Variants in REEP3 observed in about 807,000 individuals in gnomAD.
REEP3 encodes the protein receptor expression-enhancing protein 3.
REEP3 carries 20 observed loss-of-function variants against 41.3 expected under a neutral mutation model. The observed-to-expected ratio is 0.48, with a 90% CI of 0.34 to 0.70. The LOEUF (loss-of-function observed/expected upper bound fraction) is 0.70, where lower values mean the gene tolerates loss of function less well. Among genes scored for constraint, REEP3 ranks in the 30% least tolerant of loss-of-function variants. The pLI, the probability that REEP3 is intolerant of heterozygous loss-of-function variation, is 0.01. For missense variants in REEP3, 271 were observed against 308.8 expected (o/e 0.88, Z 0.92); for synonymous variants, 104 against 101.8 (o/e 1.02, Z -0.13).
chr10:63,547,949 C>T (rs1046426599), intron 1 of REEP3, among the ~76,000 whole-genome samples: 19 of 152,170 alleles, frequency 1.2e-4, no homozygotes, highest in African/African-American at 4.1e-4. Flanking sequence ...CAATTCTGTA[C>T]AAAGAATGCC....
At chr10:63,573,822 T>A (rs1955874480) in intron 2 of REEP3, among the ~76,000 whole-genome samples, 1 of 152,222 alleles carries the variant, frequency 6.6e-6, no homozygotes, top group East Asian at 1.9e-4. Context: ...TATCTTTTGA[T>A]AATTTTGATA....
chr10:63,572,352 C>T (rs543376528), intron 2 of REEP3, among the ~76,000 whole-genome samples: 1 of 151,572 alleles, frequency 6.6e-6, no homozygotes, highest in Admixed American at 6.6e-5. Context: ...ATGTGCGGAA[C>T]GTGTAGGTTT....
At chr10:63,563,449 C>A (rs1159210620) in intron 1 of REEP3, among the ~76,000 whole-genome samples, 1 of 152,088 alleles carries the variant, frequency 6.6e-6, no homozygotes, top group Non-Finnish European at 1.5e-5. Flanking sequence ...ATACAGTAGT[C>A]CCCCTTTATC....
At chr10:63,616,099 T>C (rs867536049) in intron 6 of REEP3, among the ~76,000 whole-genome samples, 2 of 152,218 alleles carry the variant, frequency 1.3e-5, no homozygotes, top group Non-Finnish European at 2.9e-5. Context: ...AGAGGCTTCA[T>C]TGCTCTCTGA....
chr10:63,553,044 T>A (rs962657101), intron 1 of REEP3, among the ~76,000 whole-genome samples: 2 of 152,262 alleles, frequency 1.3e-5, no homozygotes, highest in Non-Finnish European at 2.9e-5. Flanking sequence ...AATTTTTATG[T>A]TCTGGTTGTT....
At chr10:63,589,785 CTTTTTTTTTTTTT>C (rs59658061) in intron 2 of REEP3, among the ~76,000 whole-genome samples, 1 of 80,820 alleles carries the variant, frequency 1.2e-5, no homozygotes, top group Non-Finnish European at 2.3e-5. Flanking sequence ...AGCAGAACAT[CTTTTTTTTTTTTT>C]TTTTTTTTTT....
intron 1 of REEP3, among the ~76,000 whole-genome samples, chr10:63,534,529 C>T (rs780401148): frequency 2.0e-5 from 3 of 152,164 alleles, no homozygotes; most frequent in Non-Finnish European, 4.4e-5. Context: ...GAATTACAGG[C>T]GTGAGCCACT....
chr10:63,561,637 A>T, intron 1 of REEP3, among the ~76,000 whole-genome samples: 1 of 152,268 alleles, frequency 6.6e-6, no homozygotes. Flanking sequence ...AGAAAAACTG[A>T]TCTGACAGTG....
intron 7 of REEP3, among the ~76,000 whole-genome samples, chr10:63,620,224 C>G (rs954970458): frequency 3.3e-5 from 5 of 152,282 alleles, no homozygotes; most frequent in Admixed American, 2.6e-4. Flanking sequence ...TGAGCCACCT[C>G]ACCTGGCCAG....
chr10:63,550,808 A>AG (rs1236400324), intron 1 of REEP3, among the ~76,000 whole-genome samples: 4 of 152,228 alleles, frequency 2.6e-5, no homozygotes, highest in Non-Finnish European at 5.9e-5. Context: ...CCATCAAAAG[A>AG]AAATAAATAA....
At chr10:63,598,886 G>A (rs977256689) in intron 4 of REEP3, among the ~76,000 whole-genome samples, 1 of 151,966 alleles carries the variant, frequency 6.6e-6, no homozygotes, top group Non-Finnish European at 1.5e-5. Flanking sequence ...GAGCCCAGGA[G>A]TTTGAGACCA....
rs566408297 is a variant in REEP3, at chr10:63,587,262, C to T, written c.106-7516C>T. Among the ~76,000 whole-genome samples, 8 of 152,318 alleles carry T rather than the reference C, an allele frequency of 5.3e-5. No homozygotes were observed. In the South Asian group the frequency reaches 1.7e-3, roughly 32 times the overall value. On this transcript the variant is annotated intron_variant, in intron 2 of 7. Coordinates refer to ENST00000373758, the MANE Select transcript of REEP3 (RefSeq NM_001001330.3). The stretch of plus-strand genomic sequence containing the variant: ...GAGAACATCAATCCTTCCTACCCTT[C>T]ATTTCTTTCCAAAATACTTCCCTGA...
intron 5 of REEP3, chr10:63,599,592 C>G (rs1379781499): frequency 1.6e-6 from 1 of 608,904 alleles, no homozygotes; most frequent in East Asian, 1.3e-4. Context: ...TAAAGATGAC[C>G]ATTGTTTATT....
intron 2 of REEP3, among the ~76,000 whole-genome samples, chr10:63,582,265 A>G (rs1364850438): frequency 6.6e-6 from 1 of 152,228 alleles, no homozygotes; most frequent in Non-Finnish European, 1.5e-5. Flanking sequence ...GATTCTGTGC[A>G]TGTCCTCAAC....
chr10:63,610,385 G>A, intron 6 of REEP3, 51 bp downstream of exon 6: 7 of 1,531,150 alleles, frequency 4.6e-6, no homozygotes, highest in Non-Finnish European at 6.2e-6. Context: ...AACAGGGAGG[G>A]GAACAACATA....
intron 6 of REEP3, among the ~76,000 whole-genome samples, chr10:63,618,080 C>G (rs187542689): frequency 0.034 from 5,102 of 151,710 alleles, 144 homozygotes; most frequent in Non-Finnish European, 0.046. Flanking sequence ...CCCACCTTGG[C>G]CTCCCGAAGT....
intron 5 of REEP3, among the ~76,000 whole-genome samples, chr10:63,608,034 TG>T (rs1219201792): frequency 6.6e-6 from 1 of 152,156 alleles, no homozygotes; most frequent in Non-Finnish European, 1.5e-5. Flanking sequence ...GTCATCTGTG[TG>T]GCAGTAAATA....
intron 1 of REEP3, among the ~76,000 whole-genome samples, chr10:63,558,314 G>T (rs1414875873): frequency 6.6e-6 from 1 of 152,210 alleles, no homozygotes; most frequent in East Asian, 1.9e-4. Flanking sequence ...TGAGACCAGG[G>T]TCAGCAGAAA....
chr10:63,610,183 A>G lies in REEP3; in HGVS notation c.418-4A>G. On this transcript the variant is annotated splice_polypyrimidine_tract_variant and splice_region_variant and intron_variant, in intron 5 of 7. Coordinates refer to ENST00000373758, the MANE Select transcript of REEP3 (RefSeq NM_001001330.3). ...CTTGGACCTATCACTTCTCTGTTAA[A>G]TAGAGCCAAGGAGCAATAACTGAAC... is the stretch of plus-strand genomic sequence containing the variant. 2 of 1,608,238 alleles carry G rather than the reference A, an allele frequency of 1.2e-6. No individual in the cohort carries two copies. Among genetic ancestry groups the G allele is most frequent in the South Asian group, 2.2e-5 (2 of 89,782 alleles).
Sources: allele counts gnomAD v4.1 joint callset (sites outside exome capture counted in the v4.1 genomes callset), GRCh38; gene constraint gnomAD v4.1.1; transcripts MANE v1.5; gene names NCBI Gene and HGNC (gene_info 2026-07-23, HGNC 2026-07-21).